Variants in AGR3 observed in about 807,000 individuals in gnomAD.
The protein encoded by AGR3 is anterior gradient 3, protein disulphide isomerase family member.
AGR3 carries 37 observed loss-of-function variants against 24.5 expected under a neutral mutation model. The observed-to-expected ratio is 1.51, with a 90% CI of 1.16 to 1.99. AGR3 has a LOEUF of 1.99. Among genes scored for constraint, AGR3 ranks in the 30% most tolerant of loss-of-function variants. The pLI, the probability that AGR3 is intolerant of heterozygous loss-of-function variation, is 0.00. For synonymous variants in AGR3, 75 were observed against 61.6 expected (o/e 1.22, Z -1.02); for missense variants, 228 against 191.1 (o/e 1.19, Z -1.14).
chr7:16,866,065 T>C, intron 3 of AGR3: 1 of 617,574 alleles, frequency 1.6e-6, no homozygotes, highest in Non-Finnish European at 3.0e-6. Flanking sequence ...AGATAGTCTT[T>C]TGAATTTTCT....
chr7:16,878,595 A>C lies in AGR3; in HGVS notation c.24T>G (p.Gly8=). The change falls in exon 2 of 8, where the codon GGT becomes GGG. Residue 8 remains glycine (G), a synonymous_variant. Transcript: ENST00000310398. ...AAACTGTGACGAGTAAGAGGCAGAG[A>C]CCCAAAGCTGAGTGTAGCATCATGT... is the stretch of plus-strand genomic sequence containing the variant. MMLHSAL[G]LCLLLVTVSS... 1 of 1,614,130 alleles carries C rather than the reference A, an allele frequency of 6.2e-7. No individual in the cohort carries two copies. Among genetic ancestry groups the C allele is most frequent in the Non-Finnish European group, 8.5e-7 (1 of 1,180,004 alleles).
At chr7:16,874,518 A>G (rs1186174304) in intron 2 of AGR3, among the ~76,000 whole-genome samples, 2 of 152,162 alleles carry the variant, frequency 1.3e-5, no homozygotes, top group Non-Finnish European at 2.9e-5. Context: ...TAAAATCATC[A>G]AGTAGAAGAA....
intron 3 of AGR3, chr7:16,865,292 G>A: frequency 1.9e-6 from 2 of 1,062,952 alleles, no homozygotes; most frequent in South Asian, 2.7e-5. Flanking sequence ...AAATCTGGAG[G>A]CTGTTTATTG....
Sources: gnomAD v4.1 joint callset for allele counts (sites outside exome capture counted in the v4.1 genomes callset) on GRCh38, gnomAD v4.1.1 for gene constraint, MANE v1.5 for transcripts, NCBI Gene and HGNC (gene_info 2026-07-23, HGNC 2026-07-21) for gene names.